The following LAMA3 variants were observed in gnomAD, a reference collection of about 807,000 sequenced individuals.
The protein encoded by LAMA3 is laminin subunit alpha-3.
A neutral mutation model predicts 402.0 loss-of-function variants in LAMA3; 281 were observed. The observed-to-expected ratio is 0.70, with a 90% CI of 0.63 to 0.77. LAMA3 has a LOEUF of 0.77. Ranked by LOEUF, LAMA3 falls within the 30% of genes least tolerant of loss-of-function variation. The pLI is 0.00. For missense variants in LAMA3, 3,840 were observed against 4,215.5 expected (o/e 0.91, Z 2.47); for synonymous variants, 1,431 against 1,558.4 (o/e 0.92, Z 1.93).
chr18:23,814,278 C>T (rs2063134071), intron 14 of LAMA3, 125 bp from the exon 15 acceptor site: 3 of 739,208 alleles, frequency 4.1e-6, no homozygotes, highest in Non-Finnish European at 7.4e-6. Context: ...TTTTTTCCCC[C>T]TGGATACACT....
chr18:23,921,418 G>T (rs780604494), intron 61 of LAMA3, 34 bp from the exon 62 acceptor site: 2 of 1,606,944 alleles, frequency 1.2e-6, no homozygotes, highest in Non-Finnish European at 1.7e-6. Context: ...TCTTATTTTC[G>T]CTGGCTTGCT....
chr18:23,760,909 T>C (rs1389466772), intron 7 of LAMA3, among the ~76,000 whole-genome samples: 2 of 152,168 alleles, frequency 1.3e-5, no homozygotes, highest in African/African-American at 2.4e-5. Context: ...AAGGAAGCTT[T>C]CTGGGCCTCT....
rs565480050 is a variant in LAMA3 at position 23,778,504 on chromosome 18, CAT to C, written c.1468+886_1468+887del. 3.6e-4 allele frequency among the ~76,000 whole-genome samples: 55 copies of C among 152,348 alleles called. No homozygotes were observed. The South Asian group carries it at 0.011, about 31-fold the overall frequency. On this transcript the variant is annotated intron_variant, in intron 11 of 74. Transcript: ENST00000313654. Reference sequence around the variant, plus strand: ...TTCACATCATAGGCATAAACTAACTCATGTGAGAAGATTCCAGGCCTCTGCGC... The same window carrying C: ...TTCACATCATAGGCATAAACTAACTCGTGAGAAGATTCCAGGCCTCTGCGC...
chr18:23,726,100 A>C (rs746099032), intron 2 of LAMA3, among the ~76,000 whole-genome samples: 3 of 152,052 alleles, frequency 2.0e-5, no homozygotes, highest in Non-Finnish European at 4.4e-5. Flanking sequence ...CACCTCCTAC[A>C]CCAAGTATCC....
At chr18:23,854,396 C>G in intron 32 of LAMA3, among the ~76,000 whole-genome samples, 1 of 152,220 alleles carries the variant, frequency 6.6e-6, no homozygotes, top group East Asian at 1.9e-4. Context: ...AATCCCAGCA[C>G]TTTGGGAGGC....
chr18:23,877,192 C>T (rs1203668273), intron 39 of LAMA3, among the ~76,000 whole-genome samples: 4 of 152,172 alleles, frequency 2.6e-5, no homozygotes, highest in Non-Finnish European at 5.9e-5. Context: ...ACATCCACCG[C>T]CTGCCTGTTC....
intron 1 of LAMA3, among the ~76,000 whole-genome samples, chr18:23,694,059 CAT>C (rs2060641660): frequency 6.6e-6 from 1 of 152,186 alleles, no homozygotes; most frequent in Non-Finnish European, 1.5e-5. Flanking sequence ...TTAGATCCCT[CAT>C]GTCAACAGGG....
intron 25 of LAMA3, chr18:23,837,386 T>A: frequency 3.1e-6 from 1 of 322,500 alleles, no homozygotes; most frequent in Non-Finnish European, 5.8e-6. Flanking sequence ...TTATATTTCC[T>A]AGTTTACCAT....
chr18:23,910,441 G>A (rs1856478768), intron 55 of LAMA3, among the ~76,000 whole-genome samples: 1 of 152,234 alleles, frequency 6.6e-6, no homozygotes, highest in African/African-American at 2.4e-5. Flanking sequence ...GTAAGTAAGT[G>A]CTTTTGAATG....
At chr18:23,785,467 TCA>T (rs1384023747) in intron 12 of LAMA3, among the ~76,000 whole-genome samples, 1 of 152,206 alleles carries the variant, frequency 6.6e-6, no homozygotes, top group Non-Finnish European at 1.5e-5. Flanking sequence ...CCTCTGTTCC[TCA>T]GTTTCCAAAA....
intron 12 of LAMA3, among the ~76,000 whole-genome samples, chr18:23,793,780 A>G (rs1232623911): frequency 1.3e-5 from 2 of 152,114 alleles, no homozygotes; most frequent in Non-Finnish European, 1.5e-5. Context: ...TGCTTACCTA[A>G]AGACAGTGCC....
chr18:23,922,527 G>C (rs1204473358), intron 62 of LAMA3, among the ~76,000 whole-genome samples: 1 of 152,226 alleles, frequency 6.6e-6, no homozygotes, highest in African/African-American at 2.4e-5. Context: ...AAATGCAAAT[G>C]GGAAAGCTGG....
At chr18:23,905,453 A>G in intron 51 of LAMA3, 69 bp from the exon 52 acceptor site, 1 of 887,972 alleles carries the variant, frequency 1.1e-6, no homozygotes, top group Non-Finnish European at 1.9e-6. Context: ...TCAGACTAGG[A>G]TAGAAATCTT....
At position 23,834,053 on chromosome 18, in the gene LAMA3, T is replaced by G. The variant is rs2063537000; in HGVS notation, c.2984+65T>G. Reference sequence around the variant, plus strand: ...AATTAGGAAATCTGCCTTAGGAACTTTGGCTGTTACTTGCATTGGGAGGTT... The same window carrying G: ...AATTAGGAAATCTGCCTTAGGAACTGTGGCTGTTACTTGCATTGGGAGGTT... On this transcript the variant is annotated intron_variant, in intron 24 of 74. Transcript: ENST00000313654. 4.4e-6 allele frequency: 7 copies of G among 1,579,868 alleles called. 1 individual carries two copies. The highest frequency in any genetic ancestry group is 6.1e-6 in the Non-Finnish European group (7 of 1,149,024).
Position 23,889,991 on chromosome 18 carries a change from C to A in LAMA3, c.5304-20C>A. 6.4e-7 allele frequency: 1 copy of A among 1,571,320 alleles called. No homozygotes were observed. Among genetic ancestry groups the A allele is most frequent in the Non-Finnish European group, 8.8e-7 (1 of 1,141,350 alleles). On this transcript the variant is annotated intron_variant, in intron 41 of 74. Transcript: ENST00000313654. ...GATGAGTTATTTGGGTGTTTCTCCT[C>A]CTCTCTATATTTTGTGTAGGTGTGC... is the stretch of plus-strand genomic sequence containing the variant.
chr18:23,788,758 A>G (rs2062595509), intron 12 of LAMA3, among the ~76,000 whole-genome samples: 1 of 152,004 alleles, frequency 6.6e-6, no homozygotes, highest in African/African-American at 2.4e-5. Context: ...AAAAGAAAAA[A>G]TAGATAAATT....
chr18:23,833,551 G>A (rs1057507656), intron 23 of LAMA3, among the ~76,000 whole-genome samples: 8 of 151,944 alleles, frequency 5.3e-5, no homozygotes, highest in Non-Finnish European at 2.9e-5. Context: ...CTCTAAGTAG[G>A]GCTGCCAGAT....
chr18:23,712,268 T>C (rs1161196279), intron 1 of LAMA3, among the ~76,000 whole-genome samples: 1 of 151,426 alleles, frequency 6.6e-6, no homozygotes, highest in African/African-American at 2.4e-5. Context: ...TAATCCCAGC[T>C]ACTCGGGAGG....
intron 48 of LAMA3, among the ~76,000 whole-genome samples, chr18:23,902,449 T>C (rs1202274106): frequency 6.6e-6 from 1 of 151,928 alleles, no homozygotes; most frequent in Non-Finnish European, 1.5e-5. Context: ...AGTTGGCAAA[T>C]GAAAATAAAT....
Sources: gnomAD v4.1 joint callset for allele counts (sites outside exome capture counted in the v4.1 genomes callset) on GRCh38, gnomAD v4.1.1 for gene constraint, MANE v1.5 for transcripts, NCBI Gene and HGNC (gene_info 2026-07-23, HGNC 2026-07-21) for gene names.